KATNIP: variants seen among roughly 807,000 people sequenced by gnomAD.
KATNIP encodes the protein katanin-interacting protein.
KATNIP carries 126 observed loss-of-function variants against 174.0 expected under a neutral mutation model. The ratio of observed to expected loss-of-function variants is 0.72; its 90% CI spans 0.63 to 0.84. The LOEUF is 0.84. Among genes scored for constraint, KATNIP ranks in the 40% least tolerant of loss-of-function variants. KATNIP has a pLI of 0.00. For synonymous variants in KATNIP, 810 were observed against 835.7 expected (o/e 0.97, Z 0.53); for missense variants, 1,958 against 2,109.7 (o/e 0.93, Z 1.41).
intron 10 of KATNIP, among the ~76,000 whole-genome samples, chr16:27,700,918 C>T (rs985147570): frequency 3.3e-5 from 5 of 152,132 alleles, no homozygotes; most frequent in African/African-American, 1.2e-4. Context: ...CAGTAACTGC[C>T]CAGGTCCGGA....
At chr16:27,709,455 C>G (rs529476479) in intron 13 of KATNIP, among the ~76,000 whole-genome samples, 23 of 152,124 alleles carry the variant, frequency 1.5e-4, no homozygotes, top group African/African-American at 5.5e-4. Flanking sequence ...AACCCCATCT[C>G]TACTAATAAT....
chr16:27,656,382 C>T (rs1476721194), intron 6 of KATNIP, among the ~76,000 whole-genome samples: 1 of 134,820 alleles, frequency 7.4e-6, no homozygotes, highest in East Asian at 2.3e-4. Flanking sequence ...CATGGCACTA[C>T]ACTCCAGCCT....
chr16:27,589,300 CTT>C (rs1027183019), intron 2 of KATNIP, among the ~76,000 whole-genome samples: 1 of 152,144 alleles, frequency 6.6e-6, no homozygotes, highest in African/African-American at 2.4e-5. Context: ...GGTCAACAAA[CTT>C]TTTTCTGTAA....
intron 5 of KATNIP, among the ~76,000 whole-genome samples, chr16:27,647,550 G>C (rs890640071): frequency 6.7e-6 from 1 of 149,212 alleles, no homozygotes; most frequent in African/African-American, 2.5e-5. Flanking sequence ...TTGTTGCCCA[G>C]GCTGGAGTGC....
chr16:27,633,840 G>A (rs766684870), intron 5 of KATNIP, among the ~76,000 whole-genome samples: 9 of 152,170 alleles, frequency 5.9e-5, no homozygotes, highest in African/African-American at 1.9e-4. Context: ...TTTGAACTCT[G>A]GGCTGTGGTT....
chr16:27,587,652 A>T (rs890823744), intron 2 of KATNIP, among the ~76,000 whole-genome samples: 2 of 152,188 alleles, frequency 1.3e-5, no homozygotes, highest in African/African-American at 4.8e-5. Context: ...ATATTAGCCT[A>T]CAGTTGGGCA....
At chr16:27,754,476 G>T (rs955283710) in intron 18 of KATNIP, 14 of 556,456 alleles carry the variant, frequency 2.5e-5, no homozygotes, top group Middle Eastern at 9.6e-4. Flanking sequence ...TTAGCATTTT[G>T]CCTTCCCTGA....
At position 27,776,805 on chromosome 16, in the gene KATNIP, C is replaced by G; in HGVS notation, c.4450-123C>G. 1.5e-6 allele frequency: 1 copy of G among 688,248 alleles called. No individual in the cohort carries two copies. Among genetic ancestry groups the G allele is most frequent in the South Asian group, 1.8e-5 (1 of 56,838 alleles). The allele number at this position is 688,248 out of a possible 1,614,324, so 42.6% of individuals were successfully genotyped here. ...GAAAGGGGGCGGAACTCCAGGCTGG[C>G]CCACGTGGCAGGCGCTGCCTTGGGC... On this transcript the variant is annotated intron_variant, in intron 24 of 27. Coordinates refer to ENST00000261588, the MANE Select transcript of KATNIP (RefSeq NM_015202.5). This position sits in a 1 kb window ranked among gnomAD's most constrained non-coding sequence, Gnocchi z 4.7.
intron 18 of KATNIP, among the ~76,000 whole-genome samples, chr16:27,756,650 C>T (rs189987552): frequency 7.2e-5 from 11 of 152,314 alleles, no homozygotes; most frequent in East Asian, 3.9e-4. Context: ...TCCCAAAAGA[C>T]AGCCATCGTT....
chr16:27,584,779 G>A (rs370328546), intron 2 of KATNIP, among the ~76,000 whole-genome samples: 27 of 150,758 alleles, frequency 1.8e-4, no homozygotes, highest in African/African-American at 4.1e-4. Context: ...CGACAAGAGC[G>A]AAATTCCATC....
chr16:27,616,448 G>A lies in KATNIP; in HGVS notation c.64-1977G>A, dbSNP rs1002316694. 3.9e-5 allele frequency among the ~76,000 whole-genome samples: 6 copies of A among 152,048 alleles called. No individual in the cohort carries two copies. In the East Asian group the frequency reaches 7.7e-4, roughly 20 times the overall value. ...TTTGTTTAAAAGAGTACATGAGGCC[G>A]GGCGCAGTGGCTCACACTTGTAATC... On this transcript the variant is annotated intron_variant, in intron 2 of 27. Transcript: ENST00000261588.
chr16:27,641,044 A>G (rs1489634164), intron 5 of KATNIP, among the ~76,000 whole-genome samples: 1 of 152,012 alleles, frequency 6.6e-6, no homozygotes, highest in African/African-American at 2.4e-5. Context: ...AGGCCGAGGC[A>G]GGAGAATTGC....
chr16:27,693,411 T>G (rs1431799398), intron 8 of KATNIP, among the ~76,000 whole-genome samples: 1 of 152,070 alleles, frequency 6.6e-6, no homozygotes, highest in Non-Finnish European at 1.5e-5. Context: ...TTTTTTGAGA[T>G]GGAGTCTCGC....
intron 8 of KATNIP, among the ~76,000 whole-genome samples, chr16:27,692,839 C>T (rs2142924167): frequency 6.6e-6 from 1 of 152,340 alleles, no homozygotes; most frequent in East Asian, 1.9e-4. Flanking sequence ...ACACCAAGAG[C>T]AGCATCTCAC....
At chr16:27,607,594 C>CTTT (rs33954778) in intron 2 of KATNIP, among the ~76,000 whole-genome samples, 4 of 78,886 alleles carry the variant, frequency 5.1e-5, no homozygotes, top group African/African-American at 1.0e-4. Flanking sequence ...CAGTCAGTGT[C>CTTT]TTTTTTTTTT....
chr16:27,621,793 G>A (rs1234872507), intron 3 of KATNIP, among the ~76,000 whole-genome samples: 1 of 151,466 alleles, frequency 6.6e-6, no homozygotes, highest in Non-Finnish European at 1.5e-5. Flanking sequence ...GTGGGGGGGA[G>A]GTGCCACACA....
intron 15 of KATNIP, 23 bp from the exon 16 acceptor site, chr16:27,749,561 C>A (rs774526429): frequency 7.9e-6 from 12 of 1,519,800 alleles, no homozygotes; most frequent in Middle Eastern, 2.0e-4. Context: ...AGGGCTTCCC[C>A]CCTCTTGTGT....
chr16:27,610,512 A>G (rs555217888), intron 2 of KATNIP, among the ~76,000 whole-genome samples: 1 of 152,276 alleles, frequency 6.6e-6, no homozygotes, highest in Non-Finnish European at 1.5e-5. Context: ...GACTCTTCCA[A>G]GAACACCCCT....
chr16:27,677,573 T>A (rs975183318), intron 6 of KATNIP, among the ~76,000 whole-genome samples, 156 bp from the exon 7 acceptor site: 2 of 152,180 alleles, frequency 1.3e-5, no homozygotes, highest in Non-Finnish European at 2.9e-5. Context: ...CCCTTTGTTT[T>A]CTCGTCTTCA....
Sources: allele counts gnomAD v4.1 joint callset (sites outside exome capture counted in the v4.1 genomes callset), GRCh38; gene constraint gnomAD v4.1.1; non-coding constraint Gnocchi (gnomAD v3.1); transcripts MANE v1.5; gene names NCBI Gene and HGNC (gene_info 2026-07-23, HGNC 2026-07-21).